Variants in AIFM2 observed in about 807,000 individuals in gnomAD.
AIFM2 encodes the protein ferroptosis suppressor protein 1.
A neutral mutation model predicts 35.7 loss-of-function variants in AIFM2; 38 were observed. The ratio of observed to expected loss-of-function variants is 1.06; its 90% confidence interval spans 0.82 to 1.39. The LOEUF is 1.39. Ranked by LOEUF, AIFM2 falls within the 40% of genes most tolerant of loss-of-function variation. The pLI, the probability that AIFM2 is intolerant of heterozygous loss-of-function variation, is 0.00. For synonymous variants in AIFM2, 185 were observed against 203.5 expected (o/e 0.91, Z 0.77); for missense variants, 476 against 491.2 (o/e 0.97, Z 0.29).
At position 70,117,774 on chromosome 10, in the gene AIFM2, C is replaced by CCAGGG; in HGVS notation, c.616+33_616+37dup. On this transcript the variant is annotated intron_variant, in intron 6 of 8. Coordinates refer to ENST00000307864, the MANE Select transcript of AIFM2 (RefSeq NM_032797.6). This position sits in a 1 kb window ranked among gnomAD's most constrained non-coding sequence, Gnocchi z 4.7. ...AGCCTCCAAGCCACATCTCACCAGG[C>CCAGGG]CAGGGCAGGGCAGGGAGGGAGGTGA... 2 of 1,550,706 alleles carry CCAGGG rather than the reference C, an allele frequency of 1.3e-6. No homozygotes were observed. Among genetic ancestry groups the CCAGGG allele is most frequent in the Non-Finnish European group, 1.8e-6 (2 of 1,138,272 alleles).
At chr10:70,125,499 G>A (rs892734802) in intron 1 of AIFM2, among the ~76,000 whole-genome samples, 1 of 144,126 alleles carries the variant, frequency 6.9e-6, no homozygotes, top group Non-Finnish European at 1.5e-5. Flanking sequence ...GCACCTATAG[G>A]CCCCGCTAAT....
At position 70,121,091 on chromosome 10, in the gene AIFM2, C is replaced by A. The variant is rs1173248314; in HGVS notation, c.414+1G>T. The A allele has an allele frequency of 6.2e-7, 1 of 1,610,750 alleles. No homozygotes were observed. Among genetic ancestry groups the A allele is most frequent in the Non-Finnish European group, 8.5e-7 (1 of 1,179,478 alleles). On this transcript the variant is annotated splice_donor_variant, in intron 4 of 8. Transcript: ENST00000307864. LOFTEE classifies it high-confidence loss of function. ...CCCCATGCCTTCAGTGCACAGCTCA[C>A]CTGCCTCACCATGTCCTCATAGGCC...
At chr10:70,123,793 G>C (rs2072535850) in intron 2 of AIFM2, 114 bp downstream of exon 2, 1 of 1,155,310 alleles carries the variant, frequency 8.7e-7, no homozygotes, top group African/African-American at 1.6e-5. Flanking sequence ...GTCTGACAGT[G>C]GAATGCAGGC....
In AIFM2 at chr10:70,115,152, A is replaced by G. The variant is rs116162604; in HGVS notation, c.770-32T>C. On this transcript the variant is annotated intron_variant, in intron 7 of 8. Transcript: ENST00000307864. Reference sequence around the variant, plus strand: ...GAAGAAATGACACCGAAACCAAGACACTGAGCTGCTGTGTTAAGTGGCCAC... The same window carrying G: ...GAAGAAATGACACCGAAACCAAGACGCTGAGCTGCTGTGTTAAGTGGCCAC... 2,696 of 1,608,416 alleles carry G rather than the reference A, an allele frequency of 1.7e-3. 36 individuals carry two copies. The African/African-American group carries it at 0.032, about 19-fold the overall frequency.
At chr10:70,129,525 G>A (rs947072248) in intron 1 of AIFM2, among the ~76,000 whole-genome samples, 8 of 152,058 alleles carry the variant, frequency 5.3e-5, no homozygotes, top group African/African-American at 1.9e-4. Flanking sequence ...AGCATCTGTT[G>A]CACTTTTGCC....
Position 70,113,871 on chromosome 10 carries a change from G to T in AIFM2, c.*307C>A. On this transcript the variant is annotated 3_prime_UTR_variant, in exon 9 of 9. Coordinates refer to ENST00000307864, the MANE Select transcript of AIFM2 (RefSeq NM_032797.6). ...ACACACACATGCACATCCCAGAGGA[G>T]GCAGGTGCAGAGGAAGGGCTGGCTG... 3.0e-6 allele frequency: 1 copy of T among 330,354 alleles called. No homozygotes were observed. Among genetic ancestry groups the T allele is most frequent in the South Asian group, 3.6e-5 (1 of 27,902 alleles). The allele number at this position is 330,354 out of a possible 1,614,324, so 20.5% of individuals were successfully genotyped here.
chr10:70,114,841 A>G (rs2072417298), intron 8 of AIFM2, 79 bp downstream of exon 8: 1 of 1,485,390 alleles, frequency 6.7e-7, no homozygotes, highest in Admixed American at 1.9e-5. Flanking sequence ...GTGGCCAGGT[A>G]TGGGATAGCC....
rs1422634732 is a variant in AIFM2, at chr10:70,113,888, G to A, written c.*290C>T. 8.6e-6 allele frequency: 3 copies of A among 349,494 alleles called. No homozygotes were observed. Among genetic ancestry groups the A allele is most frequent in the African/African-American group, 4.2e-5 (2 of 47,206 alleles). The allele number at this position is 349,494 out of a possible 1,614,324, so 21.6% of individuals were successfully genotyped here. ...CCAGAGGAGGCAGGTGCAGAGGAAG[G>A]GCTGGCTGTGGCCTCCCCAGCACCA... On this transcript the variant is annotated 3_prime_UTR_variant, in exon 9 of 9. Transcript: ENST00000307864.
rs2072540536 is a variant in AIFM2, at chr10:70,124,097, A to T, written c.-13T>A. 6.8e-7 allele frequency: 1 copy of T among 1,479,706 alleles called. No individual in the cohort carries two copies. Among genetic ancestry groups the T allele is most frequent in the East Asian group, 2.5e-5 (1 of 39,432 alleles). The allele number at this position is 1,479,706 out of a possible 1,614,324, so 91.7% of individuals were successfully genotyped here. ...CCTGGGACCCCATCTCAAATCAGGC[A>T]CTGCTGGGAAGAAAGAGGAGAGCAT... is the stretch of plus-strand genomic sequence containing the variant. On this transcript the variant is annotated splice_region_variant and 5_prime_UTR_variant, in exon 2 of 9. Transcript: ENST00000307864.
chr10:70,126,641 T>C (rs1007917387), intron 1 of AIFM2, among the ~76,000 whole-genome samples: 38 of 152,276 alleles, frequency 2.5e-4, no homozygotes, highest in Middle Eastern at 3.4e-3. Context: ...TTCCAAGACA[T>C]GGTGGTGGTT....
chr10:70,121,434 G>A (rs1166643301), intron 3 of AIFM2, among the ~76,000 whole-genome samples: 1 of 152,096 alleles, frequency 6.6e-6, no homozygotes, highest in Non-Finnish European at 1.5e-5. Context: ...AAGACCTAAG[G>A]AAGTAGAGTT....
rs548509722 is a variant in AIFM2 at position 70,112,450 on chromosome 10, G to A, written c.*1728C>T. 4 of 152,352 alleles carry A rather than the reference G, an allele frequency of 2.6e-5. No homozygotes were observed. Among genetic ancestry groups the A allele is most frequent in the South Asian group, 4.1e-4 (2 of 4,822 alleles). 9.4% of individuals were successfully genotyped at this position (152,352 alleles called of 1,614,324 possible). On this transcript the variant is annotated 3_prime_UTR_variant, in exon 9 of 9. Transcript: ENST00000307864. ...CACCAGGGCCTGTGTTTCTTAGGCC[G>A]AAGGTCCTGCCTCCAGGAAGGTGGG...
rs1464230079 is a variant in AIFM2, at chr10:70,114,413, C to T, written c.971-84G>A. The T allele has an allele frequency of 3.9e-6, 6 of 1,537,918 alleles. No homozygotes were observed. The African/African-American group carries it at 8.4e-5, about 21-fold the overall frequency. On this transcript the variant is annotated intron_variant, in intron 8 of 8. Coordinates refer to ENST00000307864, the MANE Select transcript of AIFM2 (RefSeq NM_032797.6). Reference sequence around the variant, plus strand: ...CCCAGAGTGCCGATCCTTCCCGAGGCCTTCAGACTCAGGGCCGGAAATGTG... The same window carrying T: ...CCCAGAGTGCCGATCCTTCCCGAGGTCTTCAGACTCAGGGCCGGAAATGTG...
In AIFM2 at chr10:70,123,494, A is replaced by G; in HGVS notation, c.205T>C (p.Tyr69His). Residue 69 changes from tyrosine to histidine, a missense_variant, in exon 3 of 9, where the codon TAC (tyrosine) becomes CAC (histidine). Coordinates refer to ENST00000307864, the MANE Select transcript of AIFM2 (RefSeq NM_032797.6). ...TGFAKKTFIS[Y>H]SVTFKDNFRQ... ...AAGTTGTCCTTGAAAGTCACCGAGT[A>G]AGAAATGAATGTCTTTTTGGCGAAC... is the stretch of plus-strand genomic sequence containing the variant. The G allele has an allele frequency of 6.2e-7, 1 of 1,614,178 alleles. No individual in the cohort carries two copies. Among genetic ancestry groups the G allele is most frequent in the Admixed American group, 1.7e-5 (1 of 60,034 alleles).
At chr10:70,116,583 A>C (rs1240412163) in intron 7 of AIFM2, 39 bp downstream of exon 7, 1 of 1,611,190 alleles carries the variant, frequency 6.2e-7, no homozygotes, top group Non-Finnish European at 8.5e-7. Context: ...ACTGGAGAGC[A>C]AGGAGGCACA....
chr10:70,131,504 G>C lies in AIFM2; in HGVS notation c.-14+1230C>G, dbSNP rs1490876726. ...AGGCAGCCTCCTTTTATCCCCAGGGGAGGGCAGCTCTGGGGCAGACAGGTT... is the reference window on the plus strand; with the variant it reads ...AGGCAGCCTCCTTTTATCCCCAGGGCAGGGCAGCTCTGGGGCAGACAGGTT... On this transcript the variant is annotated intron_variant, in intron 1 of 8. Transcript: ENST00000307864. The surrounding 1 kb of genome is among the most constrained non-coding windows in gnomAD (Gnocchi z 4.1). Among the ~76,000 whole-genome samples, 3 of 152,210 alleles carry C rather than the reference G, an allele frequency of 2.0e-5. No individual in the cohort carries two copies. Among genetic ancestry groups the C allele is most frequent in the Non-Finnish European group, 2.9e-5 (2 of 68,046 alleles).
chr10:70,130,300 C>A (rs1313972836), intron 1 of AIFM2, among the ~76,000 whole-genome samples: 2 of 152,158 alleles, frequency 1.3e-5, no homozygotes, highest in Non-Finnish European at 2.9e-5. Context: ...CTTCCATCAC[C>A]CCCAAAATAA....
chr10:70,122,649 T>C (rs1263899100), intron 3 of AIFM2, among the ~76,000 whole-genome samples: 2 of 152,234 alleles, frequency 1.3e-5, no homozygotes, highest in Admixed American at 6.5e-5. Context: ...GTGTGCCTTT[T>C]TGTTCTAGAC....
chr10:70,123,090 A>G lies in AIFM2; in HGVS notation c.294+315T>C, dbSNP rs2072526794. The stretch of plus-strand genomic sequence containing the variant: ...ACCCAGACTGGAGTGCAGTGGTGCA[A>G]TCTCAGCTTACTGGAACTTCCACCT... On this transcript the variant is annotated intron_variant, in intron 3 of 8. Transcript: ENST00000307864. 2.0e-5 allele frequency among the ~76,000 whole-genome samples: 3 copies of G among 152,022 alleles called. No homozygotes were observed. In the South Asian group the frequency reaches 6.2e-4, roughly 32 times the overall value.
Sources: allele counts gnomAD v4.1 joint callset (sites outside exome capture counted in the v4.1 genomes callset), GRCh38; gene constraint gnomAD v4.1.1; non-coding constraint Gnocchi (gnomAD v3.1); transcripts MANE v1.5; gene names NCBI Gene and HGNC (gene_info 2026-07-23, HGNC 2026-07-21).